Variants in URI1 observed in about 807,000 individuals in gnomAD.
URI1 encodes the protein URI1 prefoldin like chaperone.
In URI1, 39 loss-of-function variants were observed where a neutral mutation model predicts 60.2. The ratio of observed to expected loss-of-function variants is 0.65; its 90% CI spans 0.50 to 0.85. The LOEUF (loss-of-function observed/expected upper bound fraction) is 0.85. Ranked by LOEUF, URI1 falls within the 40% of genes least tolerant of loss-of-function variation. The pLI is 0.00. For missense variants in URI1, 691 were observed against 665.9 expected (o/e 1.04, Z -0.42); for synonymous variants, 251 against 236.8 (o/e 1.06, Z -0.55).
intron 1 of URI1, among the ~76,000 whole-genome samples, chr19:29,943,058 A>G (rs1464848954): frequency 6.6e-6 from 1 of 152,138 alleles, no homozygotes; most frequent in Non-Finnish European, 1.5e-5. Flanking sequence ...GTTTGTCATG[A>G]TAATGCTTCC....
At position 29,942,287 on chromosome 19, in the gene URI1, G is replaced by T. The variant is rs1462196416; in HGVS notation, c.-261G>T. ...GCGACGCCTGGCTGGGCCCGCACCG[G>T]AGAGGCGTCTCGGTACCTGGCAGGC... On this transcript the variant is annotated 5_prime_UTR_variant, in exon 1 of 11. Transcript: ENST00000392271. The T allele has an allele frequency of 4.1e-6, 4 of 985,114 alleles. No homozygotes were observed. The highest frequency in any genetic ancestry group is 4.8e-6 in the Non-Finnish European group (4 of 829,732). 61.0% of individuals were successfully genotyped at this position (985,114 alleles called of 1,614,324 possible).
intron 9 of URI1, among the ~76,000 whole-genome samples, chr19:30,011,648 T>A (rs976298774): frequency 3.3e-5 from 5 of 151,748 alleles, no homozygotes; most frequent in African/African-American, 4.8e-5. Flanking sequence ...TTTTTTGGAA[T>A]TGTTTGTTGA....
chr19:29,932,880 T>C (rs905139484), intron 1 of URI1, among the ~76,000 whole-genome samples: 1 of 151,984 alleles, frequency 6.6e-6, no homozygotes, highest in South Asian at 2.1e-4. Flanking sequence ...CTCGAACTCC[T>C]GACCTCAGGT....
intron 2 of URI1, among the ~76,000 whole-genome samples, chr19:29,984,714 A>G (rs1471101768): frequency 1.3e-5 from 2 of 152,220 alleles, no homozygotes; most frequent in African/African-American, 4.8e-5. Context: ...TGAATTTGCT[A>G]AAATTATGTT....
At chr19:29,994,915 G>A (rs2055792582) in intron 4 of URI1, among the ~76,000 whole-genome samples, 1 of 151,860 alleles carries the variant, frequency 6.6e-6, no homozygotes, top group Admixed American at 6.6e-5. Context: ...TGAGTAGCTG[G>A]GACTACAGGT....
At chr19:29,936,667 T>A (rs1456114854) in intron 1 of URI1, among the ~76,000 whole-genome samples, 1 of 152,216 alleles carries the variant, frequency 6.6e-6, no homozygotes, top group African/African-American at 2.4e-5. Flanking sequence ...TCCCTTCCTG[T>A]TCCTCTTCTC....
intron 10 of URI1, 183 bp downstream of exon 10, chr19:30,012,714 T>C (rs1251258432): frequency 8.5e-6 from 6 of 705,316 alleles, no homozygotes; most frequent in Non-Finnish European, 1.2e-5. Flanking sequence ...GTTTATTTTT[T>C]GATAAACACA....
At chr19:29,975,549 G>A (rs993742501) in intron 2 of URI1, among the ~76,000 whole-genome samples, 2 of 142,950 alleles carry the variant, frequency 1.4e-5, no homozygotes, top group Non-Finnish European at 3.0e-5. Flanking sequence ...TGTCATCCAG[G>A]CTAGAGTGCA....
intron 10 of URI1, among the ~76,000 whole-genome samples, chr19:30,013,463 A>G (rs1318997286): frequency 6.6e-6 from 1 of 152,162 alleles, no homozygotes; most frequent in Non-Finnish European, 1.5e-5. Context: ...AAAGTATCTT[A>G]CCTTATTTGA....
chr19:30,005,715 A>T lies in URI1; in HGVS notation c.517+7A>T. On this transcript the variant is annotated splice_region_variant and intron_variant, in intron 6 of 10. Coordinates refer to ENST00000392271, the MANE Select transcript of URI1 (RefSeq NM_003796.3). ...TGTGACTTCGAATTTAAAGGTAAGCAGTAAGATTGTTTTATGTGTAGCTGT... is the reference window on the plus strand; with the variant it reads ...TGTGACTTCGAATTTAAAGGTAAGCTGTAAGATTGTTTTATGTGTAGCTGT... 1 of 1,610,140 alleles carries T rather than the reference A, an allele frequency of 6.2e-7. No homozygotes were observed. Among genetic ancestry groups the T allele is most frequent in the Non-Finnish European group, 8.5e-7 (1 of 1,178,242 alleles).
intron 1 of URI1, among the ~76,000 whole-genome samples, chr19:29,937,111 C>G (rs924485476): frequency 1.3e-5 from 2 of 152,212 alleles, no homozygotes; most frequent in African/African-American, 2.4e-5. Flanking sequence ...GCCTTATCTT[C>G]AAGTTCACTG....
chr19:30,010,381 C>T (rs1047540080), intron 8 of URI1, among the ~76,000 whole-genome samples: 1 of 152,064 alleles, frequency 6.6e-6, no homozygotes, highest in Non-Finnish European at 1.5e-5. Flanking sequence ...AGGGGTCTTC[C>T]CCTGATTCTT....
intron 2 of URI1, 147 bp from the exon 3 acceptor site, chr19:29,985,076 C>T (rs1006520046): frequency 9.7e-6 from 6 of 619,178 alleles, no homozygotes; most frequent in South Asian, 4.7e-5. Context: ...GCCGAGATCA[C>T]GCCACTGCAC....
At chr19:29,986,256 CT>C in intron 3 of URI1, 25 bp from the exon 4 acceptor site, 1 of 1,522,350 alleles carries the variant, frequency 6.6e-7, no homozygotes. Context: ...TGTTTTTTCC[CT>C]TTTTTCTTTT....
chr19:30,014,624 CT>C lies in URI1; in HGVS notation c.1426-255del, dbSNP rs1358369241. On this transcript the variant is annotated intron_variant, in intron 10 of 10. Transcript: ENST00000392271. ...TTGAAGACCTTTTATTTATCCATTT[CT>C]TTTTTTTCCCAGATAAAATTTACAT... is the stretch of plus-strand genomic sequence containing the variant. 9.2e-5 allele frequency among the ~76,000 whole-genome samples: 14 copies of C among 152,072 alleles called. No homozygotes were observed. The East Asian group carries it at 2.1e-3, about 23-fold the overall frequency.
chr19:29,930,129 G>A (rs1217025799), intron 1 of URI1, among the ~76,000 whole-genome samples: 3 of 151,808 alleles, frequency 2.0e-5, no homozygotes, highest in Non-Finnish European at 2.9e-5. Context: ...AGTAGAGATG[G>A]GGTTTCACCA....
At position 30,009,354 on chromosome 19, in the gene URI1, G is replaced by GT; in HGVS notation, c.1035+4dup. The GT allele has an allele frequency of 6.2e-7, 1 of 1,605,184 alleles. No homozygotes were observed. The highest frequency in any genetic ancestry group is 8.5e-7 in the Non-Finnish European group (1 of 1,173,810). On this transcript the variant is annotated splice_donor_variant, in intron 8 of 10. Coordinates refer to ENST00000392271, the MANE Select transcript of URI1 (RefSeq NM_003796.3). LOFTEE classifies it high-confidence loss of function. The stretch of plus-strand genomic sequence containing the variant: ...TTCACATACTGTTGAGCCTAAGAGG[G>GT]TTTGTATACTTTTAACTTTACTAAT...
chr19:29,971,488 A>G (rs982345162), intron 2 of URI1, among the ~76,000 whole-genome samples: 19 of 151,988 alleles, frequency 1.3e-4, no homozygotes, highest in African/African-American at 3.9e-4. Context: ...GAATAATATT[A>G]ATATCATTAT....
Position 30,005,691 on chromosome 19 carries a change from G to A in URI1, c.500G>A (p.Cys167Tyr), listed in dbSNP as rs2055933425. 3 of 1,611,688 alleles carry A rather than the reference G, an allele frequency of 1.9e-6. No individual in the cohort carries two copies. Among genetic ancestry groups the A allele is most frequent in the Non-Finnish European group, 2.5e-6 (3 of 1,179,058 alleles). ...DIVDIREEIK[C>Y]DFEFKAKHRI... Reference sequence around the variant, plus strand: ...GTTGACATACGAGAAGAAATTAAATGTGACTTCGAATTTAAAGGTAAGCAG... The same window carrying A: ...GTTGACATACGAGAAGAAATTAAATATGACTTCGAATTTAAAGGTAAGCAG... Residue 167 changes from cysteine to tyrosine, a missense_variant, in exon 6 of 11, where the codon TGT becomes TAT. Physicochemically the swap from Cys to Tyr is radical, Grantham distance 194. Coordinates refer to ENST00000392271, the MANE Select transcript of URI1 (RefSeq NM_003796.3).
Sources: allele counts gnomAD v4.1 joint callset (sites outside exome capture counted in the v4.1 genomes callset), GRCh38; gene constraint gnomAD v4.1.1; transcripts MANE v1.5; gene names NCBI Gene and HGNC (gene_info 2026-07-23, HGNC 2026-07-21).